The following PBX3 variants were observed in gnomAD, a reference collection of about 807,000 sequenced individuals.
PBX3 encodes the protein pre-B-cell leukemia transcription factor 3.
Under a neutral mutation model 48.5 loss-of-function variants are expected in PBX3, and 14 were observed. The observed-to-expected ratio is 0.29, with a 90% CI of 0.19 to 0.45. PBX3 has a LOEUF of 0.45. Ranked by LOEUF, PBX3 falls within the 20% of genes least tolerant of loss-of-function variation. PBX3 has a pLI of 1.00. For synonymous variants in PBX3, 210 were observed against 200.3 expected (o/e 1.05, Z -0.41); for missense variants, 386 against 546.7 (o/e 0.71, Z 2.93).
intron 2 of PBX3, among the ~76,000 whole-genome samples, chr9:125,871,046 T>G (rs1370789690): frequency 6.6e-6 from 1 of 152,172 alleles, no homozygotes; most frequent in African/African-American, 2.4e-5. Context: ...AAAACTCACA[T>G]GTATACCAGA....
At chr9:125,929,426 A>G (rs1264613964) in intron 3 of PBX3, among the ~76,000 whole-genome samples, 1 of 152,220 alleles carries the variant, frequency 6.6e-6, no homozygotes, top group East Asian at 1.9e-4. Flanking sequence ...GGTGGGTGGG[A>G]AGAGTAGTTG....
At chr9:125,935,824 A>G (rs1841823885) in intron 5 of PBX3, among the ~76,000 whole-genome samples, 1 of 152,176 alleles carries the variant, frequency 6.6e-6, no homozygotes, top group Non-Finnish European at 1.5e-5. Flanking sequence ...CACCACCCCC[A>G]TTCCCCAGTG....
At chr9:125,781,194 G>GAGGAGTTGTTT (rs1315257408) in intron 2 of PBX3, among the ~76,000 whole-genome samples, 1 of 150,660 alleles carries the variant, frequency 6.6e-6, no homozygotes, top group African/African-American at 2.4e-5. Flanking sequence ...GTTGTAGCGA[G>GAGGAGTTGTTT]CTGAGATCAC....
chr9:125,949,298 A>G (rs1842137020), intron 5 of PBX3: 1 of 1,536,748 alleles, frequency 6.5e-7, no homozygotes, highest in South Asian at 1.2e-5. Context: ...AGTGCCTAGT[A>G]CAGGGCCTGG....
intron 2 of PBX3, among the ~76,000 whole-genome samples, chr9:125,907,965 A>C (rs1055061612): frequency 2.0e-5 from 3 of 152,152 alleles, no homozygotes; most frequent in African/African-American, 7.2e-5. Context: ...GAGAGAGATC[A>C]TGTGAAAGAT....
chr9:125,783,399 T>C (rs890941420), intron 2 of PBX3, among the ~76,000 whole-genome samples: 3 of 152,110 alleles, frequency 2.0e-5, no homozygotes, highest in Admixed American at 6.5e-5. Flanking sequence ...GTGATTCTCC[T>C]GCCTCCGCCT....
At chr9:125,949,291 G>C (rs1474477801) in intron 5 of PBX3, 6 of 1,512,842 alleles carry the variant, frequency 4.0e-6, no homozygotes, top group Non-Finnish European at 5.4e-6. Context: ...TATGAAGAGT[G>C]CCTAGTACAG....
chr9:125,821,542 G>T (rs1439478110), intron 2 of PBX3, among the ~76,000 whole-genome samples: 2 of 152,036 alleles, frequency 1.3e-5, no homozygotes, highest in Non-Finnish European at 2.9e-5. Context: ...TAACTTGTTG[G>T]TAGTATTTCA....
At chr9:125,919,359 A>ATTTTTTTTTTTTTTTTTTTT (rs34891465) in intron 3 of PBX3, among the ~76,000 whole-genome samples, 4 of 102,752 alleles carry the variant, frequency 3.9e-5, no homozygotes, top group African/African-American at 7.6e-5. Context: ...TGCCCGTCTA[A>ATTTTTTTTTTTTTTTTTTTT]TTTTTTTTTT....
At chr9:125,959,846 T>G (rs1842389500) in intron 5 of PBX3, among the ~76,000 whole-genome samples, 1 of 152,248 alleles carries the variant, frequency 6.6e-6, no homozygotes, top group Non-Finnish European at 1.5e-5. Flanking sequence ...AATTGCCATG[T>G]GGCTTTTAGC....
At chr9:125,931,603 A>G (rs375530643) in intron 4 of PBX3, among the ~76,000 whole-genome samples, 4 of 152,162 alleles carry the variant, frequency 2.6e-5, no homozygotes, top group African/African-American at 9.7e-5. Flanking sequence ...ATTAATTTTC[A>G]TATAATTTCT....
intron 2 of PBX3, among the ~76,000 whole-genome samples, chr9:125,863,211 A>AT (rs113830548): frequency 0.12 from 14,942 of 128,630 alleles, 1,610 homozygotes; most frequent in African/African-American, 0.29. Context: ...ACATGACATG[A>AT]TTTTTTTTTT....
At chr9:125,823,099 T>C (rs981728788) in intron 2 of PBX3, among the ~76,000 whole-genome samples, 1 of 152,204 alleles carries the variant, frequency 6.6e-6, no homozygotes, top group Non-Finnish European at 1.5e-5. Context: ...TGTGTAAGTT[T>C]GTGGTATGGT....
chr9:125,821,909 A>G (rs553876230), intron 2 of PBX3, among the ~76,000 whole-genome samples: 3 of 152,214 alleles, frequency 2.0e-5, no homozygotes, highest in African/African-American at 7.2e-5. Flanking sequence ...CTTTTAATTA[A>G]TGATATGTAA....
chr9:125,786,198 G>A (rs1460201466), intron 2 of PBX3, among the ~76,000 whole-genome samples: 1 of 152,192 alleles, frequency 6.6e-6, no homozygotes, highest in Admixed American at 6.5e-5. Context: ...AGGTATAAGA[G>A]CTTGAATCTT....
intron 4 of PBX3, among the ~76,000 whole-genome samples, chr9:125,933,099 C>T (rs984252342): frequency 2.6e-5 from 4 of 152,226 alleles, no homozygotes; most frequent in African/African-American, 7.2e-5. Context: ...AAGTTCTCTC[C>T]TGTGCCTTCA....
intron 2 of PBX3, among the ~76,000 whole-genome samples, chr9:125,796,602 A>G (rs975859012): frequency 9.2e-5 from 14 of 152,134 alleles, no homozygotes; most frequent in Admixed American, 5.9e-4. Flanking sequence ...GGTCTAATAT[A>G]TAGGGAATAA....
intron 2 of PBX3, among the ~76,000 whole-genome samples, chr9:125,879,861 A>C (rs1840341529): frequency 6.6e-6 from 1 of 152,184 alleles, no homozygotes; most frequent in Admixed American, 6.5e-5. Flanking sequence ...GGTATAGCTA[A>C]ATGATTATCA....
At chr9:125,761,314 T>G (rs1212073413) in intron 2 of PBX3, among the ~76,000 whole-genome samples, 1 of 152,162 alleles carries the variant, frequency 6.6e-6, no homozygotes, top group African/African-American at 2.4e-5. Flanking sequence ...AGTGATCTAT[T>G]GCATTTGAAA....
Sources: gnomAD v4.1 joint callset for allele counts (sites outside exome capture counted in the v4.1 genomes callset) on GRCh38, gnomAD v4.1.1 for gene constraint, MANE v1.5 for transcripts, NCBI Gene and HGNC (gene_info 2026-07-23, HGNC 2026-07-21) for gene names.